MLLT3: variants seen among roughly 807,000 people sequenced by gnomAD.
MLLT3 encodes the protein protein AF-9.
Under a neutral mutation model 53.2 loss-of-function variants are expected in MLLT3, and 4 were observed. The observed-to-expected ratio is 0.08, with a 90% CI of 0.04 to 0.17. MLLT3 has a LOEUF of 0.17. Ranked by LOEUF, MLLT3 falls within the 10% of genes least tolerant of loss-of-function variation. The pLI is 1.00. For synonymous variants in MLLT3, 283 were observed against 230.6 expected (o/e 1.23, Z -2.06); for missense variants, 569 against 684.0 (o/e 0.83, Z 1.87).
intron 2 of MLLT3, among the ~76,000 whole-genome samples, chr9:20,610,236 G>A (rs1427800195): frequency 1.3e-5 from 2 of 152,086 alleles, no homozygotes. Flanking sequence ...GTATTTCATG[G>A]ATTAGGTAGT....
At chr9:20,524,827 T>G (rs1049521298) in intron 2 of MLLT3, among the ~76,000 whole-genome samples, 6 of 152,190 alleles carry the variant, frequency 3.9e-5, no homozygotes, top group African/African-American at 1.4e-4. Context: ...TCTACCTTGC[T>G]TGTTTTCACA....
At chr9:20,427,419 A>C (rs1396532869) in intron 4 of MLLT3, among the ~76,000 whole-genome samples, 1 of 152,078 alleles carries the variant, frequency 6.6e-6, no homozygotes, top group Non-Finnish European at 1.5e-5. Context: ...ATAAACTGCC[A>C]TAATACAAAG....
chr9:20,343,183 CAAAAAAAAAAAA>C lies in MLLT3; in HGVS notation c.*3248_*3259del, dbSNP rs71334526. On this transcript the variant is annotated 3_prime_UTR_variant, in exon 11 of 11. Transcript: ENST00000380338. ...TAGGTGGGCCTGTAAAAGATATCGG[CAAAAAAAAAAAA>C]AAAAAAAAAAAAAAAAAAATTTTGA... 773 of 40,340 alleles carry C rather than the reference CAAAAAAAAAAAA, an allele frequency of 0.019. 22 individuals are homozygous for C. The highest frequency in any genetic ancestry group is 0.075 in the African/African-American group (587 of 7,830). The allele number at this position is 40,340 out of a possible 1,614,324, so 2.5% of individuals were successfully genotyped here. A position where few individuals can be genotyped will look rare whatever the true frequency, so the allele number is the denominator to read the frequency against.
At chr9:20,524,649 G>T (rs915968111) in intron 2 of MLLT3, among the ~76,000 whole-genome samples, 1 of 152,020 alleles carries the variant, frequency 6.6e-6, no homozygotes, top group African/African-American at 2.4e-5. Flanking sequence ...AAATTACTGT[G>T]GCACAGGGTA....
Position 20,622,108 on chromosome 9 carries a change from G to A in MLLT3, c.12+137C>T, listed in dbSNP as rs536015786. ...GAGGGGAGCGGAGGCTGAGGGAGAGGCGGCAGCTCCCTGCAAGCCGTACCA... is the reference window on the plus strand; with the variant it reads ...GAGGGGAGCGGAGGCTGAGGGAGAGACGGCAGCTCCCTGCAAGCCGTACCA... On this transcript the variant is annotated intron_variant, in intron 1 of 10. Transcript: ENST00000380338. The A allele has an allele frequency of 2.8e-5, 28 of 998,068 alleles. No individual in the cohort carries two copies. The East Asian group carries it at 7.1e-4, about 25-fold the overall frequency. The allele number at this position is 998,068 out of a possible 1,614,324, so 61.8% of individuals were successfully genotyped here.
intron 2 of MLLT3, among the ~76,000 whole-genome samples, chr9:20,566,432 C>T (rs534066532): frequency 3.9e-5 from 6 of 152,072 alleles, no homozygotes; most frequent in African/African-American, 4.8e-5. Context: ...TCAAACAATA[C>T]GTAGGCATAT....
At chr9:20,478,314 TGAG>T (rs775859591) in intron 2 of MLLT3, among the ~76,000 whole-genome samples, 1 of 152,120 alleles carries the variant, frequency 6.6e-6, no homozygotes, top group Non-Finnish European at 1.5e-5. Context: ...AGAGCTACAG[TGAG>T]GAGAAGAGAT....
chr9:20,501,569 G>T (rs1825228747), intron 2 of MLLT3, among the ~76,000 whole-genome samples: 1 of 151,076 alleles, frequency 6.6e-6, no homozygotes, highest in East Asian at 2.0e-4. Context: ...GGCTAACAAG[G>T]TGAAACCCCG....
chr9:20,386,395 T>C (rs1254835785), intron 5 of MLLT3, among the ~76,000 whole-genome samples: 1 of 152,156 alleles, frequency 6.6e-6, no homozygotes, highest in African/African-American at 2.4e-5. Context: ...CAGAAGCCAA[T>C]AAACCCAAAG....
intron 2 of MLLT3, among the ~76,000 whole-genome samples, chr9:20,599,190 G>C (rs637029): frequency 0.12 from 17,492 of 151,818 alleles, 1,234 homozygotes; most frequent in East Asian, 0.25. Context: ...TGCAGTCCCA[G>C]CTACTCAGGA....
Position 20,413,727 on chromosome 9 carries a change from T to G in MLLT3, c.1119A>C (p.Lys373Asn). 7 of 1,593,298 alleles carry G rather than the reference T, an allele frequency of 4.4e-6. No homozygotes were observed. Among genetic ancestry groups the G allele is most frequent in the Non-Finnish European group, 6.0e-6 (7 of 1,172,502 alleles). ...GCCAGTAAGAACTACTCACATCAGATTTAGAGGATATATTCTCCTCCACAT... is the reference window on the plus strand; with the variant it reads ...GCCAGTAAGAACTACTCACATCAGAGTTAGAGGATATATTCTCCTCCACAT... The part of the protein sequence containing the change: ...DSDVEENISS[K>N]SDSEQPSPAS... Residue 373 changes from lysine (K) to asparagine (N), a missense_variant, in exon 5 of 11, where the codon AAA becomes AAC. This residue lies in a region of MLLT3 where 437 missense variants were observed against 376.5 expected (regional missense o/e 1.16). Coordinates refer to ENST00000380338, the MANE Select transcript of MLLT3 (RefSeq NM_004529.4).
intron 2 of MLLT3, among the ~76,000 whole-genome samples, chr9:20,597,367 TA>T (rs1197045313): frequency 0.04 from 5,692 of 142,854 alleles, 311 homozygotes; most frequent in African/African-American, 0.12. Context: ...CACAGTGACT[TA>T]AAAAAAAAAA....
At chr9:20,360,647 T>G in intron 8 of MLLT3, 95 bp downstream of exon 8, 1 of 997,008 alleles carries the variant, frequency 1.0e-6, no homozygotes, top group Non-Finnish European at 1.6e-6. Context: ...AGAGGAAGTT[T>G]GTTTAAAATT....
At chr9:20,533,122 C>A in intron 2 of MLLT3, 1 of 258,006 alleles carries the variant, frequency 3.9e-6, no homozygotes, top group South Asian at 4.5e-5. Flanking sequence ...GAAGGCAAGT[C>A]TGGGACATCT....
chr9:20,348,880 T>C (rs1211890342), intron 10 of MLLT3, among the ~76,000 whole-genome samples: 2 of 152,216 alleles, frequency 1.3e-5, no homozygotes, highest in Non-Finnish European at 2.9e-5. Context: ...AGGCTTTTCA[T>C]GTCAATCATA....
intron 5 of MLLT3, among the ~76,000 whole-genome samples, chr9:20,404,647 G>GA (rs1822535719): frequency 6.6e-6 from 1 of 152,140 alleles, no homozygotes; most frequent in African/African-American, 2.4e-5. Flanking sequence ...TAGGAGTACA[G>GA]GCGTGCACTA....
chr9:20,441,982 C>T (rs531684168), intron 4 of MLLT3, among the ~76,000 whole-genome samples: 4 of 152,208 alleles, frequency 2.6e-5, no homozygotes, highest in South Asian at 2.1e-4. Flanking sequence ...AAGAGGCTTC[C>T]GTATCTTTTT....
rs542626202 is a variant in MLLT3, at chr9:20,417,581, A to G, written c.421-3156T>C. ...ATTAGGACAAACTGAATATCAAGCA[A>G]TCTAACACAGAGAGCACGTGTGCAT... is the stretch of plus-strand genomic sequence containing the variant. On this transcript the variant is annotated intron_variant, in intron 4 of 10. Coordinates refer to ENST00000380338, the MANE Select transcript of MLLT3 (RefSeq NM_004529.4). 8.5e-5 allele frequency among the ~76,000 whole-genome samples: 13 copies of G among 152,112 alleles called. No individual in the cohort carries two copies. The South Asian group carries it at 2.7e-3, about 32-fold the overall frequency.
At chr9:20,354,241 A>T (rs2118609622) in intron 9 of MLLT3, among the ~76,000 whole-genome samples, 1 of 152,322 alleles carries the variant, frequency 6.6e-6, no homozygotes, top group African/African-American at 2.4e-5. Flanking sequence ...GAGAGGGGGT[A>T]CCTCTCTTTC....
Sources: gnomAD v4.1 joint callset for allele counts (sites outside exome capture counted in the v4.1 genomes callset) on GRCh38, gnomAD v4.1.1 for gene constraint, gnomAD v4.1.1 regional missense constraint, MANE v1.5 for transcripts, NCBI Gene and HGNC (gene_info 2026-07-23, HGNC 2026-07-21) for gene names.